ADGRV1: variants seen among roughly 807,000 people sequenced by gnomAD.
ADGRV1 encodes G-protein coupled receptor 98.
ADGRV1 carries 359 observed loss-of-function variants against 596.2 expected under a neutral mutation model. The observed-to-expected ratio is 0.60, with a 90% CI of 0.55 to 0.66. The LOEUF (loss-of-function observed/expected upper bound fraction) is 0.66, where lower values mean the gene tolerates loss of function less well. ADGRV1 is among the 30% of genes least tolerant of loss of function. The pLI is 0.00. For synonymous variants in ADGRV1, 2,681 were observed against 2,679.2 expected, an observed-to-expected ratio of 1.00 and a Z score of -0.02; for missense variants, 7,274 against 7,575.6, an observed-to-expected ratio of 0.96 and a Z score of 1.48.
chr5:91,067,000 C>A (rs921554688), intron 85 of ADGRV1, among the ~76,000 whole-genome samples: 1 of 152,156 alleles, frequency 6.6e-6, no homozygotes, highest in African/African-American at 2.4e-5. Flanking sequence ...CCTATTACTT[C>A]TGAGAAGTCA....
chr5:91,026,047 C>T (rs1369054315), intron 85 of ADGRV1, among the ~76,000 whole-genome samples: 1 of 152,070 alleles, frequency 6.6e-6, no homozygotes. Flanking sequence ...TCACCATCCC[C>T]ATTTTAAAAA....
intron 20 of ADGRV1, among the ~76,000 whole-genome samples, chr5:90,656,514 A>G (rs998653031): frequency 1.3e-5 from 2 of 152,210 alleles, no homozygotes; most frequent in Non-Finnish European, 1.5e-5. Context: ...TTATATCATT[A>G]CAGTTGCCAG....
At chr5:90,692,014 ATTC>A (rs1290257053) in intron 31 of ADGRV1, among the ~76,000 whole-genome samples, 3 of 152,166 alleles carry the variant, frequency 2.0e-5, no homozygotes, top group East Asian at 3.9e-4. Flanking sequence ...GATAGCATTT[ATTC>A]TTTAATAGTA....
intron 75 of ADGRV1, among the ~76,000 whole-genome samples, chr5:90,819,105 T>C (rs1011221755): frequency 6.6e-6 from 1 of 152,188 alleles, no homozygotes; most frequent in Non-Finnish European, 1.5e-5. Context: ...CTGTTATTGG[T>C]CTATTCAGAG....
rs997518254 is a variant in ADGRV1 at position 90,608,554 on chromosome 5, C to T, written c.23-6281C>T. On this transcript the variant is annotated intron_variant, in intron 1 of 89. Coordinates refer to ENST00000405460, the MANE Select transcript of ADGRV1 (RefSeq NM_032119.4). ...AAATTCTGAAAGAAAATTATTTTTA[C>T]CTACAATTCTATACTCAATTAAACC... Among the ~76,000 whole-genome samples the T allele has an allele frequency of 1.3e-4, 19 of 151,648 alleles. 1 individual carries two copies. The highest frequency in any genetic ancestry group is 1.2e-3 in the Admixed American group (19 of 15,202).
chr5:91,029,900 A>G (rs185560386), intron 85 of ADGRV1, among the ~76,000 whole-genome samples: 97 of 152,212 alleles, frequency 6.4e-4, no homozygotes, highest in East Asian at 4.1e-3. Context: ...ACTCTCTTAC[A>G]GTGTTTTCTA....
chr5:90,711,384 A>G, intron 41 of ADGRV1, 62 bp downstream of exon 41: 1 of 1,281,720 alleles, frequency 7.8e-7, no homozygotes, highest in Non-Finnish European at 1.1e-6. Flanking sequence ...TTATTCCTTG[A>G]GAATTACAGT....
Position 90,971,019 on chromosome 5 carries a change from T to C in ADGRV1, c.17973+5488T>C, listed in dbSNP as rs147515360. 5.2e-3 allele frequency among the ~76,000 whole-genome samples: 797 copies of C among 152,256 alleles called. 9 individuals are homozygous for C. Among genetic ancestry groups the C allele is most frequent in the African/African-American group, 0.018 (756 of 41,560 alleles). On this transcript the variant is annotated intron_variant, in intron 84 of 89. Transcript: ENST00000405460. ...GTAGAGAAGTCCTTAAATGACCTGA[T>C]GGAGCTGAAAACCATGGCACAAGAA...
rs762712954 is a variant in ADGRV1 at position 90,711,321 on chromosome 5, T to C, written c.9041T>C (p.Met3014Thr). Reference protein sequence around the residue: ...QVGLDYIFTPMILHFADGERY... With the variant: ...QVGLDYIFTPTILHFADGERY... ...GGGCTGGATTATATCTTCACCCCAA[T>C]GGTGGGTCTCAAAATCTATCACAGA... Residue 3014 changes from methionine to threonine, a missense_variant and splice_region_variant, in exon 41 of 90, where the codon ATG (methionine) becomes ACG (threonine). Transcript: ENST00000405460. 3 of 1,598,166 alleles carry C rather than the reference T, an allele frequency of 1.9e-6. No individual in the cohort carries two copies. The highest frequency in any genetic ancestry group is 2.6e-6 in the Non-Finnish European group (3 of 1,174,086).
chr5:90,770,529 T>G (rs1757581714), intron 59 of ADGRV1, among the ~76,000 whole-genome samples: 2 of 152,314 alleles, frequency 1.3e-5, no homozygotes, highest in South Asian at 4.1e-4. Flanking sequence ...AAGATTTTAA[T>G]CTTTAGTTTC....
At chr5:90,721,194 G>T in intron 45 of ADGRV1, 135 bp downstream of exon 45, 1 of 764,954 alleles carries the variant, frequency 1.3e-6, no homozygotes, top group South Asian at 1.9e-5. Flanking sequence ...TTCTTTTATT[G>T]CATCTATAAA....
At chr5:90,874,178 A>G (rs1390910184) in intron 83 of ADGRV1, among the ~76,000 whole-genome samples, 1 of 152,140 alleles carries the variant, frequency 6.6e-6, no homozygotes, top group Non-Finnish European at 1.5e-5. Context: ...CACCCAGCAC[A>G]GCCACAGTGG....
At chr5:91,015,821 T>A (rs1189770666) in intron 85 of ADGRV1, among the ~76,000 whole-genome samples, 1 of 152,016 alleles carries the variant, frequency 6.6e-6, no homozygotes, top group African/African-American at 2.4e-5. Context: ...CTTTTTTATC[T>A]GGTTTGCCAC....
At chr5:91,156,535 G>A (rs535128342) in intron 89 of ADGRV1, among the ~76,000 whole-genome samples, 8 of 152,230 alleles carry the variant, frequency 5.3e-5, no homozygotes, top group South Asian at 2.1e-4. Flanking sequence ...TTATGACACC[G>A]GAAACATAAA....
chr5:91,127,540 CAAA>C (rs11406300), intron 87 of ADGRV1, among the ~76,000 whole-genome samples: 2 of 125,590 alleles, frequency 1.6e-5, no homozygotes, highest in African/African-American at 3.1e-5. Context: ...CCAGTCTCAC[CAAA>C]AAAAAAAAAA....
rs535183684 is a variant in ADGRV1 at position 90,758,983 on chromosome 5, T to C, written c.11941-426T>C. On this transcript the variant is annotated intron_variant, in intron 57 of 89. Transcript: ENST00000405460. ...TTTATGTAAGTTTCATATCATGTAA[T>C]ATTAATACCAAGCATACTGCATTTT... 2.0e-5 allele frequency among the ~76,000 whole-genome samples: 3 copies of C among 152,320 alleles called. No homozygotes were observed. The South Asian group carries it at 6.2e-4, about 32-fold the overall frequency.
chr5:91,032,079 G>A (rs1784528004), intron 85 of ADGRV1, among the ~76,000 whole-genome samples: 1 of 152,216 alleles, frequency 6.6e-6, no homozygotes, highest in African/African-American at 2.4e-5. Context: ...GAGAAGATGA[G>A]ATTTGAGCAA....
At chr5:90,642,091 T>C (rs1767040911) in intron 11 of ADGRV1, among the ~76,000 whole-genome samples, 1 of 152,198 alleles carries the variant, frequency 6.6e-6, no homozygotes. Flanking sequence ...CCACAACATA[T>C]TCCTAAAATG....
chr5:90,977,205 C>A (rs1215245829), intron 84 of ADGRV1, among the ~76,000 whole-genome samples: 1 of 152,154 alleles, frequency 6.6e-6, no homozygotes, highest in Non-Finnish European at 1.5e-5. Context: ...ATACTGAATT[C>A]TCCAGTCCTC....
Sources: gnomAD v4.1 joint callset for allele counts (sites outside exome capture counted in the v4.1 genomes callset) on GRCh38, gnomAD v4.1.1 for gene constraint, MANE v1.5 for transcripts, NCBI Gene and HGNC (gene_info 2026-07-23, HGNC 2026-07-21) for gene names.